The following FAM219A variants were observed in gnomAD, a reference collection of about 807,000 sequenced individuals.
FAM219A encodes the protein family with sequence similarity 219 member A.
Under a neutral mutation model 23.4 loss-of-function variants are expected in FAM219A, and 7 were observed. The ratio of observed to expected loss-of-function variants is 0.30; its 90% CI spans 0.17 to 0.56. The LOEUF (loss-of-function observed/expected upper bound fraction) is 0.56. Among genes scored for constraint, FAM219A ranks in the 20% least tolerant of loss-of-function variants. The pLI is 0.92. For missense variants in FAM219A, 166 were observed against 246.9 expected, an observed-to-expected ratio of 0.67 and a Z score of 2.20; for synonymous variants, 93 against 99.0, an observed-to-expected ratio of 0.94 and a Z score of 0.36.
Position 34,398,239 on chromosome 9 carries a change from G to A in FAM219A, c.*2725C>T. 1 of 1,542,826 alleles carries A rather than the reference G, an allele frequency of 6.5e-7. No individual in the cohort carries two copies. The highest frequency in any genetic ancestry group is 8.8e-7 in the Non-Finnish European group (1 of 1,140,060). On this transcript the variant is annotated 3_prime_UTR_variant, in exon 6 of 6. Transcript: ENST00000651358. ...TTGTGTTACACGATACACAACCAAG[G>A]ATGATGGTCAATACTGCAATGAAAA... is the stretch of plus-strand genomic sequence containing the variant.
intron 1 of FAM219A, among the ~76,000 whole-genome samples, chr9:34,419,775 C>T (rs1419314208): frequency 3.3e-5 from 5 of 152,126 alleles, no homozygotes; most frequent in African/African-American, 1.2e-4. Flanking sequence ...CTTTGGGGCT[C>T]CTTGATTTGC....
chr9:34,437,338 G>C (rs1266320593), intron 1 of FAM219A, among the ~76,000 whole-genome samples: 1 of 152,198 alleles, frequency 6.6e-6, no homozygotes, highest in African/African-American at 2.4e-5. Flanking sequence ...GAAACAGATG[G>C]GGTGAGAGAC....
chr9:34,454,004 GAC>G (rs1454935032), intron 1 of FAM219A, among the ~76,000 whole-genome samples: 21 of 152,208 alleles, frequency 1.4e-4, no homozygotes, highest in Non-Finnish European at 8.8e-5. Context: ...ACACAGAGCT[GAC>G]ACACAAAATG....
At chr9:34,421,539 G>C (rs1231002881) in intron 1 of FAM219A, among the ~76,000 whole-genome samples, 1 of 151,990 alleles carries the variant, frequency 6.6e-6, no homozygotes, top group Non-Finnish European at 1.5e-5. Context: ...TCATACTCAA[G>C]GCATCAATAG....
intron 1 of FAM219A, among the ~76,000 whole-genome samples, chr9:34,409,456 T>C (rs528127086): frequency 6.6e-6 from 1 of 152,308 alleles, no homozygotes; most frequent in African/African-American, 2.4e-5. Context: ...CTGAAGGCGT[T>C]AGCTAGATCC....
chr9:34,406,320 G>A (rs1821635307), intron 1 of FAM219A: 1 of 985,240 alleles, frequency 1.0e-6, no homozygotes, highest in South Asian at 4.7e-5. Flanking sequence ...CCCTTCCTGT[G>A]TACTTGCTTG....
At position 34,458,324 on chromosome 9, in the gene FAM219A, C is replaced by T; in HGVS notation, c.-61G>A. The T allele has an allele frequency of 8.4e-7, 1 of 1,196,402 alleles. No individual in the cohort carries two copies. The highest frequency in any genetic ancestry group is 1.0e-6 in the Non-Finnish European group (1 of 960,538). 74.1% of individuals were successfully genotyped at this position (1,196,402 alleles called of 1,614,324 possible). The stretch of plus-strand genomic sequence containing the variant: ...GGCCGCGGACGCCGACAGGACCGCG[C>T]GGGGCGGCGGCCCCAGGAGCCCGGC... On this transcript the variant is annotated 5_prime_UTR_variant, in exon 1 of 6. Transcript: ENST00000651358. The surrounding 1 kb of genome is among the most constrained non-coding windows in gnomAD (Gnocchi z 6.6).
rs1262550727 is a variant in FAM219A at position 34,398,799 on chromosome 9, T to TG, written c.*2164dup. ...GTCCAGATGATGGGGGCACAGGGGT[T>TG]GGGGGGATGTTGATCTGGGTGGGAG... On this transcript the variant is annotated 3_prime_UTR_variant, in exon 6 of 6. Transcript: ENST00000651358. 1 of 110,036 alleles carries TG rather than the reference T, an allele frequency of 9.1e-6. No individual in the cohort carries two copies. Among genetic ancestry groups the TG allele is most frequent in the Non-Finnish European group, 1.8e-5 (1 of 55,214 alleles). The allele number at this position is 110,036 out of a possible 1,614,324, so 6.8% of individuals were successfully genotyped here.
chr9:34,438,938 C>T (rs187022796), intron 1 of FAM219A, among the ~76,000 whole-genome samples: 2 of 152,370 alleles, frequency 1.3e-5, no homozygotes, highest in East Asian at 1.9e-4. Context: ...TTTGGGTCCA[C>T]ACTGCTTTTA....
chr9:34,433,377 A>T (rs565580075), intron 1 of FAM219A, among the ~76,000 whole-genome samples: 96 of 152,016 alleles, frequency 6.3e-4, no homozygotes, highest in Non-Finnish European at 1.1e-3. Context: ...GTTTATCTTT[A>T]AAAAAAATTA....
rs545124540 is a variant in FAM219A at position 34,403,178 on chromosome 9, A to G, written c.161-371T>C. On this transcript the variant is annotated intron_variant, in intron 2 of 5. Transcript: ENST00000651358. ...CACCATGACCTGGAGAGAGGTGGAC[A>G]TTCTAGGAAGGAGGGATAGTGTGTG... Among the ~76,000 whole-genome samples the G allele has an allele frequency of 9.2e-5, 14 of 152,304 alleles. 1 individual carries two copies. Among genetic ancestry groups the G allele is most frequent in the African/African-American group, 3.4e-4 (14 of 41,574 alleles).
chr9:34,449,457 C>T (rs1206867151), intron 1 of FAM219A, among the ~76,000 whole-genome samples: 3 of 152,196 alleles, frequency 2.0e-5, no homozygotes, highest in African/African-American at 4.8e-5. Context: ...AAACAAGGCA[C>T]TTGGTATTTG....
chr9:34,418,835 C>T (rs902708248), intron 1 of FAM219A, among the ~76,000 whole-genome samples: 5 of 152,042 alleles, frequency 3.3e-5, no homozygotes, highest in African/African-American at 1.2e-4. Context: ...TTTGGGAGGC[C>T]GAGGTGGGTG....
intron 1 of FAM219A, among the ~76,000 whole-genome samples, chr9:34,413,934 A>G (rs927616092): frequency 6.6e-6 from 1 of 152,182 alleles, no homozygotes; most frequent in Non-Finnish European, 1.5e-5. Flanking sequence ...TCACAAATTT[A>G]TCCATTGGTC....
At chr9:34,416,243 G>GAAAGAAAA (rs1822012120) in intron 1 of FAM219A, among the ~76,000 whole-genome samples, 1 of 120,582 alleles carries the variant, frequency 8.3e-6, no homozygotes, top group Admixed American at 9.3e-5. Context: ...AAGAAAGAAA[G>GAAAGAAAA]AAAGAAAGAA....
Position 34,457,507 on chromosome 9 carries a change from A to C in FAM219A, c.60+697T>G, listed in dbSNP as rs1823789600. The C allele has an allele frequency of 6.5e-6, 1 of 152,672 alleles. No individual in the cohort carries two copies. The highest frequency in any genetic ancestry group is 1.5e-5 in the Non-Finnish European group (1 of 68,338). The allele number at this position is 152,672 out of a possible 1,614,324, so 9.5% of individuals were successfully genotyped here. ...GGGGCTCTTCCCAACCAGTGCGCAC[A>C]GGCAGCTCCAGCGCGACCCCACTTC... On this transcript the variant is annotated intron_variant, in intron 1 of 5. Coordinates refer to ENST00000651358, the MANE Select transcript of FAM219A (RefSeq NM_001184940.2). The surrounding 1 kb of genome is among the most constrained non-coding windows in gnomAD (Gnocchi z 5.1).
intron 2 of FAM219A, 41 bp from the exon 3 acceptor site, chr9:34,402,848 A>C (rs1392391446): frequency 6.3e-7 from 1 of 1,592,828 alleles, no homozygotes; most frequent in African/African-American, 1.3e-5. Context: ...CCTGCCCCTG[A>C]GGCCACCCTG....
At position 34,458,346 on chromosome 9, in the gene FAM219A, CG is replaced by C; in HGVS notation, c.-84del. 2 of 1,081,054 alleles carry C rather than the reference CG, an allele frequency of 1.9e-6. No individual in the cohort carries two copies. Among genetic ancestry groups the C allele is most frequent in the Non-Finnish European group, 2.3e-6 (2 of 863,520 alleles). The allele number at this position is 1,081,054 out of a possible 1,614,324, so 67.0% of individuals were successfully genotyped here. A position where few individuals can be genotyped will look rare whatever the true frequency, so the allele number is the denominator to read the frequency against. ...GCGCGGGGCGGCGGCCCCAGGAGCC[CG>C]GCGGGTGGTGCAGACTAGGCCTCCC... On this transcript the variant is annotated 5_prime_UTR_variant, in exon 1 of 6. Coordinates refer to ENST00000651358, the MANE Select transcript of FAM219A (RefSeq NM_001184940.2). The surrounding 1 kb of genome is among the most constrained non-coding windows in gnomAD (Gnocchi z 6.6).
intron 1 of FAM219A, among the ~76,000 whole-genome samples, chr9:34,436,332 C>T (rs1411018083): frequency 1.3e-5 from 2 of 151,912 alleles, no homozygotes; most frequent in African/African-American, 4.8e-5. Context: ...CAGCCTTGAC[C>T]TCCTGGGTTC....
Sources: allele counts gnomAD v4.1 joint callset (sites outside exome capture counted in the v4.1 genomes callset), GRCh38; gene constraint gnomAD v4.1.1; non-coding constraint Gnocchi (gnomAD v3.1); transcripts MANE v1.5; gene names NCBI Gene and HGNC (gene_info 2026-07-23, HGNC 2026-07-21).